Variants in TRHDE observed in about 807,000 individuals in gnomAD.
TRHDE encodes the protein thyrotropin releasing hormone degrading enzyme.
Under a neutral mutation model 125.7 loss-of-function variants are expected in TRHDE, and 72 were observed. The observed-to-expected ratio is 0.57, with a 90% CI of 0.47 to 0.70. The LOEUF is 0.70. TRHDE is among the 30% of genes least tolerant of loss of function. The pLI is 0.00. For missense variants in TRHDE, 1,110 were observed against 1,327.1 expected, an observed-to-expected ratio of 0.84 and a Z score of 2.54; for synonymous variants, 509 against 509.1, an observed-to-expected ratio of 1.00 and a Z score of 0.00.
intron 2 of TRHDE, among the ~76,000 whole-genome samples, chr12:72,183,438 G>A (rs1239226425): frequency 6.6e-6 from 1 of 152,244 alleles, no homozygotes; most frequent in Non-Finnish European, 1.5e-5. Context: ...GCTTTCTTTA[G>A]ATAAGATATA....
intron 5 of TRHDE, among the ~76,000 whole-genome samples, chr12:72,478,983 G>A (rs1238524148): frequency 6.8e-6 from 1 of 146,660 alleles, no homozygotes; most frequent in African/African-American, 2.5e-5. Context: ...TACACTAACA[G>A]GTTAAACTAG....
intron 2 of TRHDE, among the ~76,000 whole-genome samples, chr12:72,357,954 A>G (rs1373886080): frequency 1.3e-5 from 2 of 151,640 alleles, no homozygotes; most frequent in African/African-American, 4.8e-5. Context: ...AAATTATGGC[A>G]TTAGAAAGTT....
chr12:72,266,815 TA>T (rs1462797392), intron 2 of TRHDE, among the ~76,000 whole-genome samples: 2 of 152,080 alleles, frequency 1.3e-5, no homozygotes, highest in African/African-American at 2.4e-5. Context: ...ATCTACTAAT[TA>T]AATGACTCTG....
intron 7 of TRHDE, among the ~76,000 whole-genome samples, chr12:72,547,352 A>AACTT (rs1331069849): frequency 1.3e-5 from 2 of 151,692 alleles, no homozygotes; most frequent in Non-Finnish European, 2.9e-5. Context: ...CTAACCTCAT[A>AACTT]ACTTCAATCC....
At chr12:72,142,272 G>A (rs1876128731) in intron 2 of TRHDE, among the ~76,000 whole-genome samples, 1 of 152,050 alleles carries the variant, frequency 6.6e-6, no homozygotes, top group Non-Finnish European at 1.5e-5. Context: ...TGACCTTCAG[G>A]TGCTCACTTG....
At chr12:72,156,204 A>C (rs1233663683) in intron 2 of TRHDE, among the ~76,000 whole-genome samples, 1 of 152,182 alleles carries the variant, frequency 6.6e-6, no homozygotes, top group Admixed American at 6.5e-5. Context: ...TAGGCATGGG[A>C]TACAATCTCC....
chr12:72,495,871 C>T (rs2135931644), intron 5 of TRHDE, among the ~76,000 whole-genome samples: 1 of 152,180 alleles, frequency 6.6e-6, no homozygotes, highest in South Asian at 2.1e-4. Context: ...TCCAAAAATT[C>T]AAATGCAATA....
intron 2 of TRHDE, among the ~76,000 whole-genome samples, chr12:72,200,280 T>A (rs1387311687): frequency 6.6e-6 from 1 of 152,084 alleles, no homozygotes; most frequent in Non-Finnish European, 1.5e-5. Flanking sequence ...TTTGTGGATG[T>A]ATTGAGGAGA....
intron 7 of TRHDE, among the ~76,000 whole-genome samples, chr12:72,548,940 C>T (rs1869547925): frequency 6.6e-6 from 1 of 151,736 alleles, no homozygotes; most frequent in Non-Finnish European, 1.5e-5. Flanking sequence ...AGTCACCTTC[C>T]TGCTCAAGCA....
chr12:72,277,212 G>A (rs1879519754), intron 1 of TRHDE, among the ~76,000 whole-genome samples: 1 of 152,136 alleles, frequency 6.6e-6, no homozygotes, highest in African/African-American at 2.4e-5. Context: ...AATAATAGTG[G>A]TAGTTCTCAA....
At chr12:72,191,498 C>A (rs921128955) in intron 2 of TRHDE, among the ~76,000 whole-genome samples, 2 of 152,150 alleles carry the variant, frequency 1.3e-5, no homozygotes, top group African/African-American at 4.8e-5. Flanking sequence ...TGAACCCTGA[C>A]TGATATAGGC....
intron 2 of TRHDE, among the ~76,000 whole-genome samples, chr12:72,203,029 A>G (rs1877591081): frequency 6.6e-6 from 1 of 151,972 alleles, no homozygotes; most frequent in Non-Finnish European, 1.5e-5. Flanking sequence ...CATAGTTCCA[A>G]TCCTACTGTT....
intron 1 of TRHDE, chr12:72,087,579 T>G (rs1422590405): frequency 2.0e-5 from 3 of 152,088 alleles, no homozygotes; most frequent in Admixed American, 6.6e-5. Context: ...GGTCAGGAAT[T>G]TGGAACTAGC....
intron 12 of TRHDE, among the ~76,000 whole-genome samples, chr12:72,603,826 C>G (rs559563539): frequency 6.6e-6 from 1 of 151,878 alleles, no homozygotes; most frequent in East Asian, 1.9e-4. Flanking sequence ...AGAAATCTCA[C>G]TCAAAGGGAT....
intron 3 of TRHDE, among the ~76,000 whole-genome samples, chr12:72,467,621 C>T (rs1283901558): frequency 6.6e-6 from 1 of 152,084 alleles, no homozygotes; most frequent in Non-Finnish European, 1.5e-5. Context: ...TCAAGACCAG[C>T]CTGGACAATA....
In TRHDE at chr12:72,286,690, T is replaced by C; in HGVS notation, c.924T>C (p.Gly308=). The C allele has an allele frequency of 1.2e-6, 2 of 1,613,754 alleles. No individual in the cohort carries two copies. Among genetic ancestry groups the C allele is most frequent in the Non-Finnish European group, 8.5e-7 (1 of 1,179,852 alleles). ...ATTTTCTTTTTTCCAGATTCCTTGG[T>C]GTTACTCAGTTTTCGCCTACACATG... ...YVLHGERRFL[G]VTQFSPTHAR... Residue 308 remains glycine (G), a synonymous_variant, in exon 2 of 19, where the codon GGT becomes GGC. Coordinates refer to ENST00000261180, the MANE Select transcript of TRHDE (RefSeq NM_013381.3).
At chr12:72,466,618 T>C (rs999340458) in intron 3 of TRHDE, among the ~76,000 whole-genome samples, 1 of 152,232 alleles carries the variant, frequency 6.6e-6, no homozygotes, top group Non-Finnish European at 1.5e-5. Flanking sequence ...CTCTGATCTA[T>C]GTTCCTCCTC....
chr12:72,571,746 T>C (rs1281571597), intron 10 of TRHDE, among the ~76,000 whole-genome samples: 2 of 152,054 alleles, frequency 1.3e-5, no homozygotes, highest in East Asian at 3.9e-4. Context: ...AAATTGATCC[T>C]GAAAATTAAA....
At chr12:72,285,547 G>C (rs1040600503) in intron 1 of TRHDE, among the ~76,000 whole-genome samples, 10 of 145,474 alleles carry the variant, frequency 6.9e-5, no homozygotes, top group African/African-American at 2.5e-4. Context: ...TTTGAGACAG[G>C]GTCTCGCTCT....
Sources: gnomAD v4.1 joint callset for allele counts (sites outside exome capture counted in the v4.1 genomes callset) on GRCh38, gnomAD v4.1.1 for gene constraint, MANE v1.5 for transcripts, NCBI Gene and HGNC (gene_info 2026-07-23, HGNC 2026-07-21) for gene names.